Variants in TSLP observed in about 807,000 individuals in gnomAD.
The protein encoded by TSLP is thymic stroma-derived lymphopoietin.
Under a neutral mutation model 12.4 loss-of-function variants are expected in TSLP, and 12 were observed. That is an observed-to-expected ratio of 0.97 (90% CI 0.62 to 1.57). The LOEUF is 1.57. TSLP is among the 40% of genes most tolerant of loss of function. The pLI is 0.00. For missense variants in TSLP, 222 were observed against 189.6 expected (o/e 1.17, Z -1.00); for synonymous variants, 97 against 69.5 (o/e 1.40, Z -1.97).
intron 3 of TSLP, 37 bp from the exon 4 acceptor site, chr5:111,075,909 A>G: frequency 6.2e-7 from 1 of 1,603,934 alleles, no homozygotes; most frequent in Non-Finnish European, 8.5e-7. Context: ...AAAGATAGTG[A>G]AAAGTAATTT....
chr5:111,075,826 C>T (rs1752488307), intron 3 of TSLP, 120 bp from the exon 4 acceptor site: 2 of 996,516 alleles, frequency 2.0e-6, no homozygotes, highest in African/African-American at 3.3e-5. Context: ...ACATAGTAAG[C>T]AGGTGCTTTG....
At position 111,072,059 on chromosome 5, in the gene TSLP, G is replaced by A. The variant is rs1345247368; in HGVS notation, c.169G>A (p.Gly57Arg). ...TAAAGACCTGATTACATATATGAGT[G>A]GGGTAAGTGAAGAAGCTTTTTTAAA... is the stretch of plus-strand genomic sequence containing the variant. ...ISKDLITYMSGTKSTEFNNTV... is the reference protein window; with the variant it reads ...ISKDLITYMSRTKSTEFNNTV... The change falls in exon 1 of 4, where the codon GGG becomes AGG. Residue 57 changes from glycine (G) to arginine (R), a missense_variant and splice_region_variant. Coordinates refer to ENST00000344895, the MANE Select transcript of TSLP (RefSeq NM_033035.5). The A allele has an allele frequency of 1.2e-6, 2 of 1,606,222 alleles. No homozygotes were observed. The highest frequency in any genetic ancestry group is 1.7e-6 in the Non-Finnish European group (2 of 1,174,492).
At chr5:111,071,446 A>G, upstream of TSLP, 1 of 1,527,898 alleles carries the variant, frequency 6.5e-7, no homozygotes, top group Non-Finnish European at 8.8e-7. Context: ...TGTAGGAGAA[A>G]GACACTGGTA....
At chr5:111,072,853 C>T in intron 1 of TSLP, 35 bp from the exon 2 acceptor site, 2 of 1,611,502 alleles carry the variant, frequency 1.2e-6, no homozygotes, top group African/African-American at 1.3e-5. Context: ...ACTTAAAAGT[C>T]TTTACCCTCT....
rs1175097184 is a variant in TSLP, at chr5:111,071,904, C to G, written c.14C>G (p.Ala5Gly). Reference sequence around the variant, plus strand: ...GGGTGTCCACGTATGTTCCCTTTTGCCTTACTATATGTTCTGTCAGTTTCT... The same window carrying G: ...GGGTGTCCACGTATGTTCCCTTTTGGCTTACTATATGTTCTGTCAGTTTCT... Reference protein sequence around the residue: MFPFALLYVLSVSFR... With the variant: MFPFGLLYVLSVSFR... The change falls in exon 1 of 4, where the codon GCC becomes GGC. Residue 5 changes from alanine (A) to glycine (G), a missense_variant. Transcript: ENST00000344895. 6.2e-7 allele frequency: 1 copy of G among 1,613,916 alleles called. No individual in the cohort carries two copies. The highest frequency in any genetic ancestry group is 1.3e-5 in the African/African-American group (1 of 74,924).
At chr5:111,073,198 C>G in intron 2 of TSLP, 3 of 1,088,364 alleles carry the variant, frequency 2.8e-6, no homozygotes, top group Non-Finnish European at 3.8e-6. Flanking sequence ...GGGGCACCAC[C>G]TGCTGGGGTC....
In TSLP at chr5:111,076,126, T is replaced by A; in HGVS notation, c.*52T>A. On this transcript the variant is annotated 3_prime_UTR_variant, in exon 4 of 4. Coordinates refer to ENST00000344895, the MANE Select transcript of TSLP (RefSeq NM_033035.5). Reference sequence around the variant, plus strand: ...CAGCACCAAAATAAATCATCTTTATTAAGTAGATGAAACATTAACTCTAAC... The same window carrying A: ...CAGCACCAAAATAAATCATCTTTATAAAGTAGATGAAACATTAACTCTAAC... 6.3e-7 allele frequency: 1 copy of A among 1,583,494 alleles called. No homozygotes were observed. Among genetic ancestry groups the A allele is most frequent in the Non-Finnish European group, 8.6e-7 (1 of 1,156,704 alleles).
In TSLP at chr5:111,074,627, CTTTTT is replaced by C. The variant is rs35180980; in HGVS notation, c.351+999_351+1003del. Reference sequence around the variant, plus strand: ...TCTAGGTAGATGGACACGACTGTCACTTTTTTTTTTTTTTTTTTTTTGAGACAGAA... The same window carrying C: ...TCTAGGTAGATGGACACGACTGTCACTTTTTTTTTTTTTTTTGAGACAGAA... On this transcript the variant is annotated intron_variant, in intron 3 of 3. Transcript: ENST00000344895. 1.3e-4 allele frequency among the ~76,000 whole-genome samples: 14 copies of C among 110,320 alleles called. 1 individual carries two copies. The highest frequency in any genetic ancestry group is 5.0e-4 in the African/African-American group (14 of 28,212). The allele number at this position is 110,320 out of a possible 152,430, so 72.4% of individuals were successfully genotyped here.
intron 3 of TSLP, among the ~76,000 whole-genome samples, chr5:111,074,713 C>A (rs940122521): frequency 6.6e-6 from 1 of 150,862 alleles, no homozygotes; most frequent in African/African-American, 2.4e-5. Context: ...TCACTGCAAC[C>A]TCCATCTCCT....
chr5:111,073,793 T>C, intron 3 of TSLP, 148 bp downstream of exon 3: 1 of 876,682 alleles, frequency 1.1e-6, no homozygotes, highest in Non-Finnish European at 1.7e-6. Flanking sequence ...AGGATGTCAG[T>C]TAGACCCACG....
At chr5:111,071,570 T>C (rs1172219515), upstream of TSLP, 1 of 1,514,764 alleles carries the variant, frequency 6.6e-7, no homozygotes, top group Non-Finnish European at 8.8e-7. Context: ...TAGATTTAGC[T>C]ACTCCTTTTT....
upstream of TSLP, chr5:111,070,560 T>G (rs1752318126): frequency 6.6e-6 from 1 of 152,638 alleles, no homozygotes; most frequent in Non-Finnish European, 1.5e-5. Context: ...TGTCGGCCTT[T>G]CCCTCCCTTC....
upstream of TSLP, chr5:111,071,447 G>T (rs1293331132): frequency 6.5e-7 from 1 of 1,528,282 alleles, no homozygotes; most frequent in Non-Finnish European, 8.8e-7. Context: ...GTAGGAGAAA[G>T]ACACTGGTAT....
intron 3 of TSLP, among the ~76,000 whole-genome samples, chr5:111,075,256 T>C (rs751159094): frequency 6.6e-6 from 1 of 152,066 alleles, no homozygotes; most frequent in Non-Finnish European, 1.5e-5. Flanking sequence ...CCCTGTGACT[T>C]TATTAATTTG....
upstream of TSLP, chr5:111,070,404 G>C (rs1397589927): frequency 1.3e-5 from 2 of 152,148 alleles, no homozygotes; most frequent in Non-Finnish European, 2.9e-5. Flanking sequence ...TCCGACACGC[G>C]AGGGCGGGGG....
In TSLP at chr5:111,076,069, C is replaced by T. The variant is rs759662143; in HGVS notation, c.475C>T (p.Gln159Ter). The T allele has an allele frequency of 6.2e-7, 1 of 1,613,852 alleles. No individual in the cohort carries two copies. Among genetic ancestry groups the T allele is most frequent in the Non-Finnish European group, 8.5e-7 (1 of 1,179,930 alleles). Reference sequence around the variant, plus strand: ...CTTCAATCGACCTTTACTGAAACAACAGTAAACCATCTTTATTATGGTCAT... The same window carrying T: ...CTTCAATCGACCTTTACTGAAACAATAGTAAACCATCTTTATTATGGTCAT... Reference protein sequence around the residue: ...RRFNRPLLKQQ With the variant: ...RRFNRPLLKQ The change falls in exon 4 of 4, where the codon CAG becomes TAG. Residue 159 changes from glutamine (Q) to a stop codon, truncating the protein, a stop_gained. Transcript: ENST00000344895. LOFTEE classifies it high-confidence loss of function.
rs1029444493 is a variant in TSLP at position 111,076,132 on chromosome 5, G to C, written c.*58G>C. 2.0e-5 allele frequency: 31 copies of C among 1,574,774 alleles called. No individual in the cohort carries two copies. The highest frequency in any genetic ancestry group is 2.7e-5 in the African/African-American group (2 of 73,504). Reference sequence around the variant, plus strand: ...CAAAATAAATCATCTTTATTAAGTAGATGAAACATTAACTCTAACTGTGAC... The same window carrying C: ...CAAAATAAATCATCTTTATTAAGTACATGAAACATTAACTCTAACTGTGAC... On this transcript the variant is annotated 3_prime_UTR_variant, in exon 4 of 4. Transcript: ENST00000344895.
intron 3 of TSLP, 26 bp downstream of exon 3, chr5:111,073,671 C>T (rs760718840): frequency 3.7e-6 from 6 of 1,611,752 alleles, no homozygotes; most frequent in South Asian, 3.3e-5. Flanking sequence ...CAGACGTTTG[C>T]TGTACCTTGG....
At chr5:111,070,867 C>G (rs1752323894), upstream of TSLP, 1 of 152,362 alleles carries the variant, frequency 6.6e-6, no homozygotes, top group African/African-American at 2.4e-5. Flanking sequence ...AGGACAGCAT[C>G]GTCTCCGTGC....
Sources: allele counts gnomAD v4.1 joint callset (sites outside exome capture counted in the v4.1 genomes callset), GRCh38; gene constraint gnomAD v4.1.1; transcripts MANE v1.5; gene names NCBI Gene and HGNC (gene_info 2026-07-23, HGNC 2026-07-21).